The following UTP15 variants were observed in gnomAD, a reference collection of about 807,000 sequenced individuals.
The protein encoded by UTP15 is U3 small nucleolar RNA-associated protein 15 homolog.
In UTP15, 5 loss-of-function variants were observed where a neutral mutation model predicts 59.1. The observed-to-expected ratio is 0.08, with a 90% CI of 0.04 to 0.18. UTP15 has a LOEUF of 0.18. Among genes scored for constraint, UTP15 ranks in the 10% least tolerant of loss-of-function variants. UTP15 has a pLI of 1.00. For synonymous variants in UTP15, 211 were observed against 212.2 expected (o/e 0.99, Z 0.05); for missense variants, 494 against 616.7 (o/e 0.80, Z 2.11).
In UTP15 at chr5:73,580,959, A is replaced by C. The variant is rs1224876986; in HGVS notation, c.*865A>C. ...ATTTAGATTCCTCCCCCCATTATTC[A>C]CAATCATATTGTATTTCGGAACCCC... is the stretch of plus-strand genomic sequence containing the variant. On this transcript the variant is annotated 3_prime_UTR_variant, in exon 13 of 13. Transcript: ENST00000296792. The C allele has an allele frequency of 6.6e-6, 1 of 152,024 alleles. No individual in the cohort carries two copies. The highest frequency in any genetic ancestry group is 1.5e-5 in the Non-Finnish European group (1 of 68,024). The allele number at this position is 152,024 out of a possible 1,614,324, so 9.4% of individuals were successfully genotyped here.
chr5:73,569,503 T>C lies in UTP15; in HGVS notation c.375T>C (p.Val125=). The stretch of plus-strand genomic sequence containing the variant: ...CTGACCTTCAATCTTTCAGAGCAGT[T>C]CATACAGTAGATTTTACAGCTGACA... ...LRQFEGHTKA[V]HTVDFTADKY... is the part of the protein sequence containing the mutation. Residue 125 remains valine (V), a synonymous_variant, in exon 5 of 13, where the codon GTT becomes GTC. Transcript: ENST00000296792. 6.2e-7 allele frequency: 1 copy of C among 1,605,294 alleles called. No individual in the cohort carries two copies. The highest frequency in any genetic ancestry group is 1.1e-5 in the South Asian group (1 of 89,760).
In UTP15 at chr5:73,580,332, CAG is replaced by C; in HGVS notation, c.*241_*242del. The C allele has an allele frequency of 2.6e-6, 1 of 384,830 alleles. No individual in the cohort carries two copies. Among genetic ancestry groups the C allele is most frequent in the Admixed American group, 4.3e-5 (1 of 23,164 alleles). 23.8% of individuals were successfully genotyped at this position (384,830 alleles called of 1,614,324 possible). A position where few individuals can be genotyped will look rare whatever the true frequency, so the allele number is the denominator to read the frequency against. ...TAGAAGATCTCAATTGTCTTAGTCA[CAG>C]AGTAGGTTTATCTGGGATGGATATT... On this transcript the variant is annotated 3_prime_UTR_variant, in exon 13 of 13. Coordinates refer to ENST00000296792, the MANE Select transcript of UTP15 (RefSeq NM_032175.4).
chr5:73,572,453 G>A, intron 6 of UTP15, 36 bp from the exon 7 acceptor site: 6 of 1,609,562 alleles, frequency 3.7e-6, no homozygotes, highest in Non-Finnish European at 5.1e-6. Flanking sequence ...GAATCTGTGG[G>A]CAGAATATCC....
intron 7 of UTP15, among the ~76,000 whole-genome samples, chr5:73,574,004 T>A (rs1440048177): frequency 6.6e-6 from 1 of 152,136 alleles, no homozygotes; most frequent in Non-Finnish European, 1.5e-5. Context: ...AAATTAAGCA[T>A]CTAAACATGT....
At chr5:73,569,742 G>A in intron 5 of UTP15, 67 bp downstream of exon 5, 2 of 1,370,268 alleles carry the variant, frequency 1.5e-6, no homozygotes, top group Non-Finnish European at 1.9e-6. Context: ...GTTGCTATGG[G>A]ACTCTTTTGG....
At chr5:73,569,164 G>GT (rs1436981579) in intron 4 of UTP15, among the ~76,000 whole-genome samples, 1 of 152,128 alleles carries the variant, frequency 6.6e-6, no homozygotes, top group Non-Finnish European at 1.5e-5. Context: ...TCTCTTTAGA[G>GT]TTTTTTAAAG....
At position 73,580,239 on chromosome 5, in the gene UTP15, A is replaced by G. The variant is rs1580397480; in HGVS notation, c.*145A>G. 1.6e-6 allele frequency: 1 copy of G among 619,552 alleles called. No individual in the cohort carries two copies. 38.4% of individuals were successfully genotyped at this position (619,552 alleles called of 1,614,324 possible). A position where few individuals can be genotyped will look rare whatever the true frequency, so the allele number is the denominator to read the frequency against. On this transcript the variant is annotated 3_prime_UTR_variant, in exon 13 of 13. Coordinates refer to ENST00000296792, the MANE Select transcript of UTP15 (RefSeq NM_032175.4). ...AAGAGACTGGAATAATTATGGCCGG[A>G]AAACAAGTACCCGTTTTAAGTAAGA...
chr5:73,581,682 A>G lies in UTP15; in HGVS notation c.*1588A>G, dbSNP rs1488762047. 1 of 152,066 alleles carries G rather than the reference A, an allele frequency of 6.6e-6. No homozygotes were observed. Among genetic ancestry groups the G allele is most frequent in the Non-Finnish European group, 1.5e-5 (1 of 68,010 alleles). The allele number at this position is 152,066 out of a possible 1,614,324, so 9.4% of individuals were successfully genotyped here. ...TGTTCCAGTAAGGGTATTAAGTAAA[A>G]ATTAAATAAACGTATTAAGTTTAAC... is the stretch of plus-strand genomic sequence containing the variant. On this transcript the variant is annotated 3_prime_UTR_variant, in exon 13 of 13. Coordinates refer to ENST00000296792, the MANE Select transcript of UTP15 (RefSeq NM_032175.4).
chr5:73,579,253 ATC>A (rs1271018530), intron 11 of UTP15, 62 bp from the exon 12 acceptor site: 1 of 1,594,364 alleles, frequency 6.3e-7, no homozygotes, highest in Non-Finnish European at 8.5e-7. Context: ...GATGAAACAA[ATC>A]TGTTTTAAGG....
intron 4 of UTP15, 118 bp downstream of exon 4, chr5:73,568,722 A>T: frequency 1.0e-6 from 1 of 960,566 alleles, no homozygotes; most frequent in Non-Finnish European, 1.5e-6. Context: ...GCCTATAGGT[A>T]CTATATTTCC....
In UTP15 at chr5:73,577,872, T is replaced by C. The variant is rs775421263; in HGVS notation, c.911T>C (p.Ile304Thr). 4 of 1,586,864 alleles carry C rather than the reference T, an allele frequency of 2.5e-6. No homozygotes were observed. The highest frequency in any genetic ancestry group is 2.3e-5 in the South Asian group (2 of 86,476). The change falls in exon 9 of 13, where the codon ATA becomes ACA. Residue 304 changes from isoleucine to threonine, a missense_variant. By Grantham distance (89) the Ile-to-Thr change is moderately conservative. Coordinates refer to ENST00000296792, the MANE Select transcript of UTP15 (RefSeq NM_032175.4). ...TGTTATTAGCATGAAGATGAGACAA[T>C]AGTTGTAGGAATGACCAATGGAATA... ...SLALAHEDET[I>T]VVGMTNGILS... is the part of the protein sequence containing the mutation.
chr5:73,576,579 A>G (rs372617159), intron 7 of UTP15, among the ~76,000 whole-genome samples: 45 of 152,060 alleles, frequency 3.0e-4, no homozygotes, highest in Middle Eastern at 3.4e-3. Context: ...GGTTCAAGCA[A>G]TTCTCCTGCC....
intron 12 of UTP15, among the ~76,000 whole-genome samples, chr5:73,579,627 A>G (rs1177609179): frequency 6.6e-6 from 1 of 152,090 alleles, no homozygotes; most frequent in Non-Finnish European, 1.5e-5. Context: ...TGACGATGAC[A>G]ATTTTTCAAA....
chr5:73,583,073 T>C lies in UTP15; in HGVS notation c.*2979T>C, dbSNP rs1429065131. The C allele has an allele frequency of 6.6e-6, 1 of 152,244 alleles. No individual in the cohort carries two copies. Among genetic ancestry groups the C allele is most frequent in the Non-Finnish European group, 1.5e-5 (1 of 68,046 alleles). The allele number at this position is 152,244 out of a possible 1,614,324, so 9.4% of individuals were successfully genotyped here. On this transcript the variant is annotated 3_prime_UTR_variant, in exon 13 of 13. Transcript: ENST00000296792. ...GTAAATGGGATTGTTAAAACAAATT[T>C]AGTCTGTTCAACTCAATGAGGGCAT...
chr5:73,572,342 A>T, intron 6 of UTP15, 147 bp from the exon 7 acceptor site: 2 of 888,710 alleles, frequency 2.3e-6, no homozygotes, highest in Non-Finnish European at 3.5e-6. Flanking sequence ...GAAGTGGTGC[A>T]TCCAGGATTT....
In UTP15 at chr5:73,569,692, C is replaced by A. The variant is rs757023580; in HGVS notation, c.547+17C>A. 6.4e-7 allele frequency: 1 copy of A among 1,569,208 alleles called. No individual in the cohort carries two copies. The highest frequency in any genetic ancestry group is 8.6e-7 in the Non-Finnish European group (1 of 1,157,298). ...TTATAACAGGTTGGTGAACTCTATT[C>A]CCTCCTGAAGCAAATAATCTCACGG... On this transcript the variant is annotated intron_variant, in intron 5 of 12. Coordinates refer to ENST00000296792, the MANE Select transcript of UTP15 (RefSeq NM_032175.4).
At chr5:73,570,505 CT>C (rs1223990618) in intron 5 of UTP15, 80 bp from the exon 6 acceptor site, 2 of 1,428,126 alleles carry the variant, frequency 1.4e-6, no homozygotes, top group African/African-American at 2.9e-5. Flanking sequence ...GCTTTTTTTC[CT>C]TTTAAAATTT....
rs140195152 is a variant in UTP15, at chr5:73,578,820, C to T, written c.1114C>T (p.Arg372Trp). ...GTATGACAGGGATCTGAAACATTTT[C>T]GGATCTCTAAGGCACTCGATAGAGT... ...ELYDRDLKHF[R>W]ISKALDRVLD... The change falls in exon 10 of 13, where the codon CGG becomes TGG. Residue 372 changes from arginine to tryptophan, a missense_variant. Arg to Trp is a moderately radical substitution (Grantham distance 101). Coordinates refer to ENST00000296792, the MANE Select transcript of UTP15 (RefSeq NM_032175.4). 39 of 1,608,540 alleles carry T rather than the reference C, an allele frequency of 2.4e-5. No individual in the cohort carries two copies. The highest frequency in any genetic ancestry group is 2.9e-5 in the Non-Finnish European group (34 of 1,175,834).
At position 73,579,382 on chromosome 5, in the gene UTP15, C is replaced by A. The variant is rs1748227891; in HGVS notation, c.1339+7C>A. On this transcript the variant is annotated splice_region_variant and intron_variant, in intron 12 of 12. Transcript: ENST00000296792. The stretch of plus-strand genomic sequence containing the variant: ...GCTGCTGAAATAATTATTGGTAAGT[C>A]ATTGTTAAAACTTGAAAATCCTAAC... 1.9e-6 allele frequency: 3 copies of A among 1,595,572 alleles called. No homozygotes were observed. The highest frequency in any genetic ancestry group is 1.2e-5 in the South Asian group (1 of 86,908).
Sources: allele counts gnomAD v4.1 joint callset (sites outside exome capture counted in the v4.1 genomes callset), GRCh38; gene constraint gnomAD v4.1.1; transcripts MANE v1.5; gene names NCBI Gene and HGNC (gene_info 2026-07-23, HGNC 2026-07-21).